Variants in TMEM268 observed in about 807,000 individuals in gnomAD.
The protein encoded by TMEM268 is transmembrane protein 268.
TMEM268 carries 24 observed loss-of-function variants against 39.1 expected under a neutral mutation model. The ratio of observed to expected loss-of-function variants is 0.61; its 90% CI spans 0.44 to 0.86. TMEM268 has a LOEUF of 0.86. Among genes scored for constraint, TMEM268 ranks in the 40% least tolerant of loss-of-function variants. The pLI, the probability that TMEM268 is intolerant of heterozygous loss-of-function variation, is 0.00. For missense variants in TMEM268, 409 were observed against 428.6 expected (o/e 0.95, Z 0.40); for synonymous variants, 176 against 173.5 (o/e 1.01, Z -0.12).
At chr9:114,612,427 C>T (rs1302222473) in intron 1 of TMEM268, among the ~76,000 whole-genome samples, 1 of 152,184 alleles carries the variant, frequency 6.6e-6, no homozygotes, top group East Asian at 1.9e-4. Flanking sequence ...TCCCCCTGCT[C>T]TGCCTCCACC....
intron 5 of TMEM268, among the ~76,000 whole-genome samples, chr9:114,629,903 T>C (rs1166949588): frequency 2.0e-5 from 3 of 152,260 alleles, no homozygotes; most frequent in Non-Finnish European, 4.4e-5. Flanking sequence ...AATGCTGCCC[T>C]TGGGGTCTGT....
At chr9:114,609,238 G>C (rs550678912), upstream of TMEM268, among the ~76,000 whole-genome samples, 360 of 152,208 alleles carry the variant, frequency 2.4e-3, 7 homozygotes, top group Non-Finnish European at 1.4e-3. Flanking sequence ...TTGAACCCGG[G>C]AGGTGGAGGC....
At chr9:114,637,249 C>T (rs866975472) in intron 7 of TMEM268, among the ~76,000 whole-genome samples, 179 bp downstream of exon 7, 6 of 151,402 alleles carry the variant, frequency 4.0e-5, no homozygotes, top group African/African-American at 1.5e-4. Flanking sequence ...TTTAATGCCT[C>T]GCTTCTTCTA....
chr9:114,636,467 T>C (rs760444730), intron 6 of TMEM268, among the ~76,000 whole-genome samples: 43 of 152,076 alleles, frequency 2.8e-4, no homozygotes, highest in Non-Finnish European at 4.7e-4. Flanking sequence ...GCCGCAGCCA[T>C]TTTGAACAGG....
At chr9:114,612,830 C>G (rs1435992205) in intron 1 of TMEM268, among the ~76,000 whole-genome samples, 2 of 152,150 alleles carry the variant, frequency 1.3e-5, no homozygotes, top group Admixed American at 1.3e-4. Flanking sequence ...GTCTTTCCTA[C>G]CAGATGGTGA....
chr9:114,609,738 GGAAGGAAAGAAA>G (rs1242773437), upstream of TMEM268, among the ~76,000 whole-genome samples: 3 of 79,296 alleles, frequency 3.8e-5, no homozygotes, highest in East Asian at 3.7e-4. Context: ...AAAGAAGGAA[GGAAGGAAAGAAA>G]GAAAGAAAGA....
intron 2 of TMEM268, among the ~76,000 whole-genome samples, chr9:114,621,775 T>C (rs917985537): frequency 4.6e-5 from 7 of 152,038 alleles, no homozygotes; most frequent in Non-Finnish European, 7.4e-5. Context: ...GAGAACATCA[T>C]GTTCAGGGAC....
intron 8 of TMEM268, 21 bp downstream of exon 8, chr9:114,638,747 T>C (rs1338569871): frequency 6.6e-7 from 1 of 1,520,134 alleles, no homozygotes. Context: ...CTGGGGCTTG[T>C]TGGGGCCATC....
intron 7 of TMEM268, among the ~76,000 whole-genome samples, chr9:114,637,955 G>C (rs1222176359): frequency 2.0e-5 from 3 of 152,242 alleles, no homozygotes; most frequent in African/African-American, 7.2e-5. Flanking sequence ...CAGGGCCTTT[G>C]AGTCTCAGTT....
In TMEM268 at chr9:114,645,998, TA is replaced by T. The variant is rs981172008; in HGVS notation, c.*2687del. 2.0e-5 allele frequency: 3 copies of T among 152,190 alleles called. No homozygotes were observed. The highest frequency in any genetic ancestry group is 4.4e-5 in the Non-Finnish European group (3 of 68,042). The allele number at this position is 152,190 out of a possible 1,614,324, so 9.4% of individuals were successfully genotyped here. On this transcript the variant is annotated 3_prime_UTR_variant, in exon 9 of 9. Coordinates refer to ENST00000288502, the MANE Select transcript of TMEM268 (RefSeq NM_153045.4). ...TTTAAATGTAATTTTTTCAGAGAGA[TA>T]AGGTCTTGCTATGTTACCCAGCCTA...
rs769358495 is a variant in TMEM268, at chr9:114,626,948, C to T, written c.266C>T (p.Pro89Leu). ...RSLAESALLE[P>L]QVRRYIIYNS... ...TTGGCTGAGAGTGCCCTCTTGGAGC[C>T]CCAAGTGAGAAGATATATCATCTAC... is the stretch of plus-strand genomic sequence containing the variant. Residue 89 changes from proline (P) to leucine (L), a missense_variant, in exon 4 of 9, where the codon CCC (proline) becomes CTC (leucine). Coordinates refer to ENST00000288502, the MANE Select transcript of TMEM268 (RefSeq NM_153045.4). The T allele has an allele frequency of 1.9e-6, 3 of 1,613,768 alleles. No individual in the cohort carries two copies. The highest frequency in any genetic ancestry group is 3.3e-5 in the Admixed American group (2 of 60,004).
At position 114,644,143 on chromosome 9, in the gene TMEM268, T is replaced by C. The variant is rs949426141; in HGVS notation, c.*830T>C. ...TGTGATCAGCCACTTGTGGAATTCTTTGAAGAGCTCAGAGGCTTCCAAGTG... is the reference window on the plus strand; with the variant it reads ...TGTGATCAGCCACTTGTGGAATTCTCTGAAGAGCTCAGAGGCTTCCAAGTG... On this transcript the variant is annotated 3_prime_UTR_variant, in exon 9 of 9. Coordinates refer to ENST00000288502, the MANE Select transcript of TMEM268 (RefSeq NM_153045.4). 6.6e-6 allele frequency: 1 copy of C among 152,370 alleles called. No homozygotes were observed. Among genetic ancestry groups the C allele is most frequent in the African/African-American group, 2.4e-5 (1 of 41,458 alleles). 9.4% of individuals were successfully genotyped at this position (152,370 alleles called of 1,614,324 possible).
intron 1 of TMEM268, 40 bp downstream of exon 1, chr9:114,611,604 G>C (rs1845493339): frequency 6.4e-6 from 1 of 155,448 alleles, no homozygotes; most frequent in African/African-American, 2.4e-5. Flanking sequence ...CGTGTCCTGC[G>C]ATCCGGGCTT....
At chr9:114,617,645 A>C (rs1845784164) in intron 2 of TMEM268, among the ~76,000 whole-genome samples, 3 of 152,160 alleles carry the variant, frequency 2.0e-5, no homozygotes, top group South Asian at 2.1e-4. Context: ...ATTGTAGCTC[A>C]CTGGAGCCTG....
intron 5 of TMEM268, among the ~76,000 whole-genome samples, chr9:114,630,201 G>A (rs1200384695): frequency 2.0e-5 from 3 of 152,150 alleles, no homozygotes; most frequent in East Asian, 1.9e-4. Flanking sequence ...TGTCAGGGCC[G>A]CACAGCCAGG....
At chr9:114,629,583 TAAC>T (rs1007451745) in intron 5 of TMEM268, among the ~76,000 whole-genome samples, 5 of 152,256 alleles carry the variant, frequency 3.3e-5, no homozygotes, top group African/African-American at 1.2e-4. Context: ...CTTTGCTGTG[TAAC>T]AACATTTGCA....
intron 2 of TMEM268, 182 bp from the exon 3 acceptor site, chr9:114,624,168 C>A: frequency 7.4e-7 from 1 of 1,349,584 alleles, no homozygotes; most frequent in Non-Finnish European, 9.7e-7. Context: ...ATTCTGCCTC[C>A]TGGGGGCTTC....
chr9:114,620,167 A>G (rs895967083), intron 2 of TMEM268, among the ~76,000 whole-genome samples: 14 of 152,126 alleles, frequency 9.2e-5, no homozygotes, highest in Non-Finnish European at 1.5e-5. Context: ...GTGAGCTGAG[A>G]TCGCACCATT....
chr9:114,609,984 T>C (rs1202839105), upstream of TMEM268, among the ~76,000 whole-genome samples: 1 of 152,000 alleles, frequency 6.6e-6, no homozygotes, highest in Non-Finnish European at 1.5e-5. Context: ...GAAAGAAGGG[T>C]TAAGAAAACA....
Sources: gnomAD v4.1 joint callset for allele counts (sites outside exome capture counted in the v4.1 genomes callset) on GRCh38, gnomAD v4.1.1 for gene constraint, MANE v1.5 for transcripts, NCBI Gene and HGNC (gene_info 2026-07-23, HGNC 2026-07-21) for gene names.